The following HSPA12A variants were observed in gnomAD, a reference collection of about 807,000 sequenced individuals.
HSPA12A encodes the protein heat shock 70 kDa protein 12A.
HSPA12A carries 28 observed loss-of-function variants against 69.2 expected under a neutral mutation model. The observed-to-expected ratio is 0.40, with a 90% CI of 0.30 to 0.55. The LOEUF is 0.55. HSPA12A is among the 20% of genes least tolerant of loss of function. The probability of loss-of-function intolerance (pLI) is 0.38; values close to 1 mark genes in which losing one functional copy is unlikely to be tolerated. For synonymous variants in HSPA12A, 345 were observed against 370.5 expected, an observed-to-expected ratio of 0.93 and a Z score of 0.79; for missense variants, 686 against 900.7, an observed-to-expected ratio of 0.76 and a Z score of 3.05.
intron 1 of HSPA12A, among the ~76,000 whole-genome samples, chr10:116,842,662 G>A (rs1001902082): frequency 3.3e-5 from 5 of 152,104 alleles, no homozygotes; most frequent in Non-Finnish European, 1.5e-5. Flanking sequence ...TGTCGCCCGG[G>A]TGCAATCTCA....
At chr10:116,676,606 G>A in intron 10 of HSPA12A, 104 bp from the exon 11 acceptor site, 1 of 926,522 alleles carries the variant, frequency 1.1e-6, no homozygotes, top group East Asian at 2.5e-5. Context: ...TCACTTCTTA[G>A]CAGGCAGAAA....
rs139906406 is a variant in HSPA12A at position 116,786,442 on chromosome 10, AAAG to A, written c.91+48490_91+48492del. On this transcript the variant is annotated intron_variant, in intron 2 of 12. Coordinates refer to the HSPA12A transcript ENST00000635765. ...GTGTGTGCACATTTTCCTGAAAAAA[AAAG>A]AAAAAAAAGATCTAGTGCTTTTGTC... Among the ~76,000 whole-genome samples, 228 of 139,248 alleles carry A rather than the reference AAAG, an allele frequency of 1.6e-3. 1 individual carries two copies. The highest frequency in any genetic ancestry group is 7.6e-3 in the Middle Eastern group (2 of 262). The allele number at this position is 139,248 out of a possible 152,430, so 91.4% of individuals were successfully genotyped here. A position where few individuals can be genotyped will look rare whatever the true frequency, so the allele number is the denominator to read the frequency against.
chr10:116,672,068 A>G lies in HSPA12A; in HGVS notation c.*2713T>C, dbSNP rs1407638016. ...CATTTAAGAGAAACAGTACACAGGG[A>G]GATAGCATTAATGCAAGGCAGGAAA... On this transcript the variant is annotated 3_prime_UTR_variant, in exon 12 of 12. Transcript: ENST00000369209. 1 of 152,190 alleles carries G rather than the reference A, an allele frequency of 6.6e-6. No homozygotes were observed. Among genetic ancestry groups the G allele is most frequent in the Non-Finnish European group, 1.5e-5 (1 of 68,046 alleles). The allele number at this position is 152,190 out of a possible 1,614,324, so 9.4% of individuals were successfully genotyped here.
At chr10:116,691,579 G>C (rs1344514633) in intron 6 of HSPA12A, among the ~76,000 whole-genome samples, 1 of 152,182 alleles carries the variant, frequency 6.6e-6, no homozygotes, top group African/African-American at 2.4e-5. Context: ...CCCCAGGCGT[G>C]GGTGTTCATA....
chr10:116,803,279 G>T (rs1333805982), intron 2 of HSPA12A, among the ~76,000 whole-genome samples: 1 of 152,218 alleles, frequency 6.6e-6, no homozygotes, highest in Non-Finnish European at 1.5e-5. Flanking sequence ...GAGCCAACAT[G>T]CGTACACGCA....
intron 2 of HSPA12A, among the ~76,000 whole-genome samples, chr10:116,765,467 G>A (rs1844055480): frequency 6.6e-6 from 1 of 151,992 alleles, no homozygotes; most frequent in Non-Finnish European, 1.5e-5. Context: ...ACCATAGGAG[G>A]GGGAAAAAGG....
chr10:116,683,971 CAG>C lies in HSPA12A; in HGVS notation c.664-11_664-10del, dbSNP rs1849497792. On this transcript the variant is annotated splice_polypyrimidine_tract_variant and intron_variant, in intron 6 of 11. Coordinates refer to ENST00000369209, the MANE Select transcript of HSPA12A (RefSeq NM_025015.3). ...GGGGAGGCCAGGCCTGCCTGGAAGA[CAG>C]AAACAGAGGCTGGGACCCAGGGCCC... 5 of 1,557,466 alleles carry C rather than the reference CAG, an allele frequency of 3.2e-6. No individual in the cohort carries two copies. The Admixed American group carries it at 8.7e-5, about 27-fold the overall frequency.
At chr10:116,849,288 AGGGAAAAGT>A (rs1352497919) in intron 1 of HSPA12A, among the ~76,000 whole-genome samples, 1 of 152,182 alleles carries the variant, frequency 6.6e-6, no homozygotes, top group African/African-American at 2.4e-5. Context: ...GAAAATCGCC[AGGGAAAAGT>A]GGTGAAAAAC....
intron 2 of HSPA12A, among the ~76,000 whole-genome samples, chr10:116,781,195 G>A (rs1264437836): frequency 6.6e-5 from 10 of 152,174 alleles, no homozygotes; most frequent in African/African-American, 2.2e-4. Context: ...AGCTACTTGG[G>A]AGGTTGAGCC....
At chr10:116,728,966 A>C (rs1445704712) in intron 1 of HSPA12A, among the ~76,000 whole-genome samples, 1 of 152,156 alleles carries the variant, frequency 6.6e-6, no homozygotes. Context: ...CTCCCGGGGC[A>C]AGGGCCCTCA....
At chr10:116,695,580 G>A (rs1554880729) in intron 5 of HSPA12A, among the ~76,000 whole-genome samples, 1 of 152,138 alleles carries the variant, frequency 6.6e-6, no homozygotes, top group African/African-American at 2.4e-5. Context: ...ACTTTGGGAG[G>A]CCGAGGCGGG....
At chr10:116,750,906 G>A (rs983981079) in intron 2 of HSPA12A, among the ~76,000 whole-genome samples, 10 of 152,066 alleles carry the variant, frequency 6.6e-5, no homozygotes, top group African/African-American at 1.9e-4. Flanking sequence ...CTCGGAGGTC[G>A]AGGTTGCAGT....
intron 1 of HSPA12A, among the ~76,000 whole-genome samples, chr10:116,837,423 T>C (rs1845733829): frequency 2.0e-5 from 3 of 152,200 alleles, no homozygotes; most frequent in Admixed American, 6.5e-5. Context: ...TTCTAGCTGA[T>C]GAAGTAAAGG....
chr10:116,770,895 T>G (rs114421271), intron 2 of HSPA12A, among the ~76,000 whole-genome samples: 139,058 of 152,098 alleles, frequency 0.91, 64,724 homozygotes, highest in Non-Finnish European at 1. Flanking sequence ...AAGCCTCTCT[T>G]GGGGGAGATT....
Position 116,674,511 on chromosome 10 carries a change from ATT to A in HSPA12A, c.*268_*269del. 2.1e-6 allele frequency: 1 copy of A among 487,646 alleles called. No individual in the cohort carries two copies. Among genetic ancestry groups the A allele is most frequent in the South Asian group, 2.7e-5 (1 of 37,150 alleles). 30.2% of individuals were successfully genotyped at this position (487,646 alleles called of 1,614,324 possible). A position where few individuals can be genotyped will look rare whatever the true frequency, so the allele number is the denominator to read the frequency against. On this transcript the variant is annotated 3_prime_UTR_variant, in exon 12 of 12. Coordinates refer to ENST00000369209, the MANE Select transcript of HSPA12A (RefSeq NM_025015.3). ...TGTACTGATTCCCTTCTCCGTGGCCATTTCACCACTTTTGTACCTATGAAAAC... is the reference window on the plus strand; with the variant it reads ...TGTACTGATTCCCTTCTCCGTGGCCATCACCACTTTTGTACCTATGAAAAC...
intron 1 of HSPA12A, among the ~76,000 whole-genome samples, chr10:116,712,203 C>A (rs952404881): frequency 2.6e-5 from 4 of 152,078 alleles, no homozygotes; most frequent in Admixed American, 6.5e-5. Context: ...AGCAGAAAAT[C>A]TTTTTTAACT....
intron 4 of HSPA12A, among the ~76,000 whole-genome samples, chr10:116,699,427 G>C (rs1458289041): frequency 2.0e-5 from 3 of 152,150 alleles, no homozygotes; most frequent in Non-Finnish European, 4.4e-5. Context: ...GGATGGGCAG[G>C]GAGTGAGAGC....
chr10:116,703,072 A>T (rs1310448016), intron 3 of HSPA12A, among the ~76,000 whole-genome samples: 1 of 152,092 alleles, frequency 6.6e-6, no homozygotes, highest in Non-Finnish European at 1.5e-5. Flanking sequence ...GGGATTTTTC[A>T]TCTTGGGGGT....
At position 116,686,815 on chromosome 10, in the gene HSPA12A, A is replaced by AC. The variant is rs1159708589; in HGVS notation, c.664-2854dup. Among the ~76,000 whole-genome samples the AC allele has an allele frequency of 1.1e-4, 11 of 104,148 alleles. No individual in the cohort carries two copies. Among genetic ancestry groups the AC allele is most frequent in the Admixed American group, 8.2e-4 (8 of 9,724 alleles). The allele number at this position is 104,148 out of a possible 152,430, so 68.3% of individuals were successfully genotyped here. A position where few individuals can be genotyped will look rare whatever the true frequency, so the allele number is the denominator to read the frequency against. ...TCCCTCTTCCCACACCATAAGCTCC[A>AC]CCCCCACCCCTTCCCAAACCATAAG... On this transcript the variant is annotated intron_variant, in intron 6 of 11. Coordinates refer to ENST00000369209, the MANE Select transcript of HSPA12A (RefSeq NM_025015.3). The surrounding 1 kb of genome is among the most constrained non-coding windows in gnomAD (Gnocchi z 4.1).
Sources: gnomAD v4.1 joint callset for allele counts (sites outside exome capture counted in the v4.1 genomes callset) on GRCh38, gnomAD v4.1.1 for gene constraint, Gnocchi (gnomAD v3.1) non-coding constraint, MANE v1.5 for transcripts, NCBI Gene and HGNC (gene_info 2026-07-23, HGNC 2026-07-21) for gene names.